The following CCDC150 variants were observed in gnomAD, a reference collection of about 807,000 sequenced individuals.
CCDC150 encodes the protein coiled-coil domain containing 150.
Under a neutral mutation model 156.5 loss-of-function variants are expected in CCDC150, and 151 were observed. The ratio of observed to expected loss-of-function variants is 0.97; its 90% CI spans 0.85 to 1.10. CCDC150 has a LOEUF of 1.10. Among genes scored for constraint, CCDC150 ranks in the 50% least tolerant of loss-of-function variants. The pLI is 0.00. For missense variants in CCDC150, 1,312 were observed against 1,268.1 expected (o/e 1.03, Z -0.53); for synonymous variants, 452 against 429.4 (o/e 1.05, Z -0.65).
At chr2:196,689,862 G>A (rs1695343590) in intron 13 of CCDC150, among the ~76,000 whole-genome samples, 1 of 152,170 alleles carries the variant, frequency 6.6e-6, no homozygotes, top group South Asian at 2.1e-4. Flanking sequence ...TGCCCATTCA[G>A]TATGATATTG....
chr2:196,729,440 A>G (rs1698407350), intron 23 of CCDC150, 53 bp downstream of exon 23: 1 of 1,545,392 alleles, frequency 6.5e-7, no homozygotes, highest in Non-Finnish European at 8.9e-7. Context: ...GGATGTAGTC[A>G]GTCAATGGTG....
At chr2:196,690,838 G>A (rs1312497361) in intron 13 of CCDC150, among the ~76,000 whole-genome samples, 1 of 152,080 alleles carries the variant, frequency 6.6e-6, no homozygotes, top group Non-Finnish European at 1.5e-5. Context: ...ATTGGCTGTG[G>A]GTTTGTCATA....
intron 15 of CCDC150, among the ~76,000 whole-genome samples, chr2:196,702,370 T>TGTGTGTGA (rs1696278317): frequency 6.6e-6 from 1 of 151,740 alleles, no homozygotes; most frequent in African/African-American, 2.4e-5. Context: ...TGTGTGTGTG[T>TGTGTGTGA]GTGTGTGAGA....
intron 17 of CCDC150, chr2:196,713,084 ACT>A (rs1379834163): frequency 8.2e-6 from 4 of 485,152 alleles, no homozygotes; most frequent in Non-Finnish European, 1.4e-5. Context: ...TAACCACTTG[ACT>A]CTGCTGATGA....
chr2:196,666,929 T>TA, intron 7 of CCDC150, 81 bp downstream of exon 7: 1 of 1,485,298 alleles, frequency 6.7e-7, no homozygotes, highest in Non-Finnish European at 9.4e-7. Context: ...CCCAAATTCT[T>TA]AAAGTGGCCA....
At chr2:196,693,843 GA>G (rs1695638069) in intron 13 of CCDC150, among the ~76,000 whole-genome samples, 1 of 151,940 alleles carries the variant, frequency 6.6e-6, no homozygotes, top group African/African-American at 2.4e-5. Context: ...TTTTTATAAT[GA>G]ATTGATGTTG....
intron 15 of CCDC150, among the ~76,000 whole-genome samples, chr2:196,710,022 C>T (rs747466055): frequency 3.9e-5 from 6 of 152,208 alleles, no homozygotes; most frequent in Admixed American, 1.3e-4. Flanking sequence ...CACTGTGCTG[C>T]GAGAACCACT....
At chr2:196,650,127 T>C (rs1411257800) in intron 2 of CCDC150, among the ~76,000 whole-genome samples, 1 of 152,274 alleles carries the variant, frequency 6.6e-6, no homozygotes, top group Non-Finnish European at 1.5e-5. Context: ...AGCTGTAGGC[T>C]TATCATATAT....
chr2:196,649,435 AT>A lies in CCDC150; in HGVS notation c.176+2932del, dbSNP rs1692744172. Among the ~76,000 whole-genome samples the A allele has an allele frequency of 2.6e-5, 4 of 152,218 alleles. No homozygotes were observed. In the South Asian group the frequency reaches 8.3e-4, roughly 32 times the overall value. ...TGCAGTGCAAGGCATCACTTTTTCT[AT>A]GTTTAGATATACAAATACCATTGTT... On this transcript the variant is annotated intron_variant, in intron 2 of 27. Coordinates refer to ENST00000389175, the MANE Select transcript of CCDC150 (RefSeq NM_001080539.2).
At chr2:196,704,089 A>G (rs1261412936) in intron 15 of CCDC150, among the ~76,000 whole-genome samples, 1 of 152,268 alleles carries the variant, frequency 6.6e-6, no homozygotes, top group Non-Finnish European at 1.5e-5. Context: ...TAGTCAAAAC[A>G]GTAGTCTGCT....
At chr2:196,685,463 C>T (rs1313444386) in intron 13 of CCDC150, among the ~76,000 whole-genome samples, 1 of 152,196 alleles carries the variant, frequency 6.6e-6, no homozygotes, top group African/African-American at 2.4e-5. Context: ...TGAAGAACCA[C>T]ATTCTCAAGA....
At chr2:196,662,941 A>G (rs1430286349) in intron 5 of CCDC150, among the ~76,000 whole-genome samples, 1 of 151,946 alleles carries the variant, frequency 6.6e-6, no homozygotes, top group African/African-American at 2.4e-5. Context: ...AAACCCACCC[A>G]CAAAAACTTA....
At chr2:196,703,319 G>A (rs574522475) in intron 15 of CCDC150, among the ~76,000 whole-genome samples, 7 of 151,998 alleles carry the variant, frequency 4.6e-5, no homozygotes, top group African/African-American at 7.2e-5. Context: ...CCATGCTTGC[G>A]GAACAATACA....
chr2:196,666,703 T>A lies in CCDC150; in HGVS notation c.763-16T>A, dbSNP rs1308106352. 1 of 1,578,160 alleles carries A rather than the reference T, an allele frequency of 6.3e-7. No homozygotes were observed. The highest frequency in any genetic ancestry group is 8.6e-7 in the Non-Finnish European group (1 of 1,164,150). On this transcript the variant is annotated splice_polypyrimidine_tract_variant and intron_variant, in intron 6 of 27. Transcript: ENST00000389175. Reference sequence around the variant, plus strand: ...CTTTATCTCACAGAAAAAGAGTTTTTCTTATACAATTTCAGGTGCACATTT... The same window carrying A: ...CTTTATCTCACAGAAAAAGAGTTTTACTTATACAATTTCAGGTGCACATTT...
Position 196,732,130 on chromosome 2 carries a change from G to A in CCDC150, c.3167G>A (p.Gly1056Glu). Residue 1056 changes from glycine (G) to glutamate (E), a missense_variant, in exon 27 of 28, where the codon GGG (glycine) becomes GAG (glutamate). By Grantham distance (98) the Gly-to-Glu change is moderately conservative. Coordinates refer to ENST00000389175, the MANE Select transcript of CCDC150 (RefSeq NM_001080539.2). ...LTKNRLQRPS[G>E]EDRWQEKDQD... is the part of the protein sequence containing the mutation. ...AAAAACCGGTTGCAGAGGCCTTCTGGGGAAGACAGGTGGCAGGAAAAGGTA... is the reference window on the plus strand; with the variant it reads ...AAAAACCGGTTGCAGAGGCCTTCTGAGGAAGACAGGTGGCAGGAAAAGGTA... The A allele has an allele frequency of 3.1e-6, 5 of 1,613,834 alleles. No individual in the cohort carries two copies. Among genetic ancestry groups the A allele is most frequent in the Non-Finnish European group, 4.2e-6 (5 of 1,179,834 alleles).
Position 196,721,591 on chromosome 2 carries a change from C to T in CCDC150, c.2329C>T (p.Gln777Ter), listed in dbSNP as rs1559276532. The T allele has an allele frequency of 6.2e-7, 1 of 1,607,838 alleles. No individual in the cohort carries two copies. The highest frequency in any genetic ancestry group is 1.1e-5 in the South Asian group (1 of 89,348). The change falls in exon 21 of 28, where the codon CAA (glutamine) becomes TAA (stop). Residue 777 changes from glutamine (Q) to a stop codon, truncating the protein, a stop_gained. Coordinates refer to ENST00000389175, the MANE Select transcript of CCDC150 (RefSeq NM_001080539.2). LOFTEE classifies it high-confidence loss of function. ...DNRKLAMSLE[Q>*]ALQTNNHLQT... is the part of the protein sequence containing the mutation. ...CAGGAAACTTGCTATGAGTCTGGAA[C>T]AAGCTCTCCAGACAAATAATCATCT... is the stretch of plus-strand genomic sequence containing the variant.
chr2:196,683,001 T>G (rs1429513124), intron 13 of CCDC150, among the ~76,000 whole-genome samples: 3 of 152,086 alleles, frequency 2.0e-5, no homozygotes, highest in Non-Finnish European at 4.4e-5. Flanking sequence ...CCAATTTGGC[T>G]GCCTTTTATT....
chr2:196,653,435 C>G (rs1692995851), intron 2 of CCDC150, among the ~76,000 whole-genome samples: 1 of 152,176 alleles, frequency 6.6e-6, no homozygotes, highest in South Asian at 2.1e-4. Context: ...TCCAGATTTC[C>G]ACAGATCCTT....
chr2:196,689,935 A>C lies in CCDC150; in HGVS notation c.1510-5111A>C, dbSNP rs1269580180. ...GATACATCCCATCAATACCTAATTT[A>C]TTGAGAGTTTTTAGCATGAAGGGTT... On this transcript the variant is annotated intron_variant, in intron 13 of 27. Transcript: ENST00000389175. 2.6e-5 allele frequency among the ~76,000 whole-genome samples: 4 copies of C among 152,110 alleles called. 1 individual carries two copies. The highest frequency in any genetic ancestry group is 4.2e-4 in the South Asian group (2 of 4,814).
Sources: allele counts gnomAD v4.1 joint callset (sites outside exome capture counted in the v4.1 genomes callset), GRCh38; gene constraint gnomAD v4.1.1; transcripts MANE v1.5; gene names NCBI Gene and HGNC (gene_info 2026-07-23, HGNC 2026-07-21).